Variants in TIMM44 observed in about 807,000 individuals in gnomAD.
TIMM44 encodes mitochondrial import inner membrane translocase subunit TIM44.
TIMM44 carries 37 observed loss-of-function variants against 63.8 expected under a neutral mutation model. The ratio of observed to expected loss-of-function variants is 0.58; its 90% confidence interval spans 0.45 to 0.76. The LOEUF is 0.76. Ranked by LOEUF, TIMM44 falls within the 30% of genes least tolerant of loss-of-function variation. The probability of loss-of-function intolerance (pLI) is 0.00; values close to 1 mark genes in which losing one functional copy is unlikely to be tolerated. For synonymous variants in TIMM44, 239 were observed against 245.1 expected (o/e 0.98, Z 0.23); for missense variants, 573 against 603.8 (o/e 0.95, Z 0.54).
At chr19:7,928,428 G>C (rs1983880597) in intron 10 of TIMM44, 1 of 511,034 alleles carries the variant, frequency 2.0e-6, no homozygotes, top group Admixed American at 3.5e-5. Flanking sequence ...TGATTCTCTT[G>C]GAACAAAATC....
In TIMM44 at chr19:7,934,187, C is replaced by G. The variant is rs368458102; in HGVS notation, c.445G>C (p.Val149Leu). 2 of 1,613,594 alleles carry G rather than the reference C, an allele frequency of 1.2e-6. No homozygotes were observed. Among genetic ancestry groups the G allele is most frequent in the African/African-American group, 1.3e-5 (1 of 75,060 alleles). ...SDLGRKIKEG[V>L]EEAAKTAKQS... Reference sequence around the variant, plus strand: ...TTGGCCGTCTTGGCTGCTTCCTCCACGCCCTCCTTGATTTTCCGGCCGAGA... The same window carrying G: ...TTGGCCGTCTTGGCTGCTTCCTCCAGGCCCTCCTTGATTTTCCGGCCGAGA... Residue 149 changes from valine to leucine, a missense_variant, in exon 5 of 13, where the codon GTG becomes CTG. Val to Leu is a conservative substitution (Grantham distance 32). Coordinates refer to ENST00000270538, the MANE Select transcript of TIMM44 (RefSeq NM_006351.4). The surrounding 1 kb of genome is among the most constrained non-coding windows in gnomAD (Gnocchi z 5.3).
chr19:7,941,846 G>A (rs2145182777), intron 1 of TIMM44, among the ~76,000 whole-genome samples: 1 of 152,328 alleles, frequency 6.6e-6, no homozygotes, highest in Non-Finnish European at 1.5e-5. Context: ...TTCTATGCTA[G>A]TGGCAAGCAG....
chr19:7,942,439 GA>G (rs397785040), intron 1 of TIMM44, among the ~76,000 whole-genome samples: 75 of 143,424 alleles, frequency 5.2e-4, no homozygotes, highest in Middle Eastern at 3.5e-3. Flanking sequence ...AAAATTGGGG[GA>G]AAAAAAAAAA....
rs1984091369 is a variant in TIMM44, at chr19:7,934,618, G to A, written c.394-380C>T. Reference sequence around the variant, plus strand: ...CCTCTGGAGACCCGGGAACTGCCTGGCAGCAAGGATTCCCAAGGAGGGGAC... The same window carrying A: ...CCTCTGGAGACCCGGGAACTGCCTGACAGCAAGGATTCCCAAGGAGGGGAC... On this transcript the variant is annotated intron_variant, in intron 4 of 12. Transcript: ENST00000270538. The surrounding 1 kb of genome is among the most constrained non-coding windows in gnomAD (Gnocchi z 5.3). Among the ~76,000 whole-genome samples, 1 of 152,140 alleles carries A rather than the reference G, an allele frequency of 6.6e-6. No homozygotes were observed. The highest frequency in any genetic ancestry group is 2.1e-4 in the South Asian group (1 of 4,836).
In TIMM44 at chr19:7,943,144, G is replaced by A. The variant is rs1450072767; in HGVS notation, c.45+463C>T. ...CACGTCTTGACTGCCACTGCCCTGT[G>A]GACCCAAGAGCCTGCTAGGGCGCGA... On this transcript the variant is annotated intron_variant, in intron 1 of 12. Transcript: ENST00000270538. This position sits in a 1 kb window ranked among gnomAD's most constrained non-coding sequence, Gnocchi z 4.3. 6.6e-6 allele frequency among the ~76,000 whole-genome samples: 1 copy of A among 152,026 alleles called. No homozygotes were observed. Among genetic ancestry groups the A allele is most frequent in the African/African-American group, 2.4e-5 (1 of 41,410 alleles).
intron 10 of TIMM44, 181 bp from the exon 11 acceptor site, chr19:7,928,347 C>G (rs908656013): frequency 8.3e-6 from 5 of 601,720 alleles, no homozygotes; most frequent in East Asian, 8.3e-5. Flanking sequence ...CCAGATCACA[C>G]GCTTCCCACT....
chr19:7,938,276 G>A (rs536273004), intron 2 of TIMM44, 79 bp from the exon 3 acceptor site: 3 of 1,147,056 alleles, frequency 2.6e-6, no homozygotes, highest in East Asian at 5.1e-5. Flanking sequence ...GGGACTCAGG[G>A]ATTTTTTTAA....
chr19:7,933,017 C>A lies in TIMM44; in HGVS notation c.770-85G>T. The A allele has an allele frequency of 1.8e-6, 2 of 1,117,238 alleles. No individual in the cohort carries two copies. The highest frequency in any genetic ancestry group is 1.5e-5 in the African/African-American group (1 of 64,980). The allele number at this position is 1,117,238 out of a possible 1,614,324, so 69.2% of individuals were successfully genotyped here. On this transcript the variant is annotated intron_variant, in intron 7 of 12. Coordinates refer to ENST00000270538, the MANE Select transcript of TIMM44 (RefSeq NM_006351.4). The surrounding 1 kb of genome is among the most constrained non-coding windows in gnomAD (Gnocchi z 4.3). ...CACAGCTTCTAGAGGCTCCCTGTGA[C>A]CCCTGCGGGATCCACCCTGACACGG...
intron 1 of TIMM44, among the ~76,000 whole-genome samples, chr19:7,942,380 A>G (rs747276331): frequency 5.9e-5 from 9 of 151,970 alleles, no homozygotes; most frequent in Non-Finnish European, 1.2e-4. Context: ...GTTTGAGCTC[A>G]GGAGTTTGAG....
chr19:7,935,163 TGTCC>T lies in TIMM44; in HGVS notation c.313-22_313-19del. 6.6e-7 allele frequency: 1 copy of T among 1,524,888 alleles called. No individual in the cohort carries two copies. Among genetic ancestry groups the T allele is most frequent in the Non-Finnish European group, 8.9e-7 (1 of 1,126,910 alleles). 94.5% of individuals were successfully genotyped at this position (1,524,888 alleles called of 1,614,324 possible). On this transcript the variant is annotated intron_variant, in intron 3 of 12. Coordinates refer to ENST00000270538, the MANE Select transcript of TIMM44 (RefSeq NM_006351.4). ...ATGGTTTTCTAGGTAAAGAGCGCTG[TGTCC>T]TTTTTTTTTTTTTTTTTTTTGAGAC...
intron 11 of TIMM44, 110 bp downstream of exon 11, chr19:7,927,967 T>C: frequency 2.4e-6 from 3 of 1,226,856 alleles, no homozygotes; most frequent in South Asian, 1.3e-5. Context: ...CCAAGACCTC[T>C]TGGATCAGCC....
intron 2 of TIMM44, 103 bp from the exon 3 acceptor site, chr19:7,938,300 G>A (rs546584536): frequency 2.6e-5 from 22 of 849,468 alleles, no homozygotes; most frequent in East Asian, 2.1e-4. Flanking sequence ...TTCTCTTTTC[G>A]GTTGATATAC....
chr19:7,928,444 T>C (rs1983881110), intron 10 of TIMM44: 1 of 486,642 alleles, frequency 2.1e-6, no homozygotes, highest in Non-Finnish European at 3.7e-6. Context: ...AAATCCCAAA[T>C]CTACTCCCAG....
Position 7,938,081 on chromosome 19 carries a change from G to T in TIMM44, c.258C>A (p.Asp86Glu). 6.2e-7 allele frequency: 1 copy of T among 1,614,078 alleles called. No homozygotes were observed. The highest frequency in any genetic ancestry group is 8.5e-7 in the Non-Finnish European group (1 of 1,180,020). The change falls in exon 3 of 13, where the codon GAC becomes GAA. Residue 86 changes from aspartate to glutamate, a missense_variant. Transcript: ENST00000270538. ...CTGATTCTTCTAGCCTTCTGGCCTC[G>T]TCACGGAATTTTTTTATACTTTCTT... ...EMKESIKKFR[D>E]EARRLEESDV...
At chr19:7,931,319 G>A in intron 9 of TIMM44, 131 bp from the exon 10 acceptor site, 1 of 835,252 alleles carries the variant, frequency 1.2e-6, no homozygotes, top group Non-Finnish European at 2.1e-6. Context: ...CACCTGTGGG[G>A]CGCGGGTGGA....
intron 3 of TIMM44, among the ~76,000 whole-genome samples, chr19:7,935,798 TTA>T (rs1984138148): frequency 6.6e-6 from 1 of 152,166 alleles, no homozygotes; most frequent in South Asian, 2.1e-4. Context: ...CAGCTTGGTC[TTA>T]TGTCTCCCGC....
At chr19:7,940,284 C>T (rs1002756255) in intron 2 of TIMM44, among the ~76,000 whole-genome samples, 5 of 151,906 alleles carry the variant, frequency 3.3e-5, no homozygotes, top group African/African-American at 1.2e-4. Flanking sequence ...GCCAGGCCTC[C>T]TGTCAGCAGG....
intron 9 of TIMM44, chr19:7,932,249 A>G: frequency 3.4e-6 from 1 of 294,002 alleles, no homozygotes; most frequent in African/African-American, 2.2e-5. Flanking sequence ...TCTGGGTCAG[A>G]CGTGGCCTGG....
intron 9 of TIMM44, chr19:7,932,386 CAGG>C (rs1388226148): frequency 1.7e-6 from 1 of 576,802 alleles, no homozygotes; most frequent in African/African-American, 1.9e-5. Context: ...CAGCCTCAGG[CAGG>C]AGGAGTGAGG....
Sources: allele counts gnomAD v4.1 joint callset (sites outside exome capture counted in the v4.1 genomes callset), GRCh38; gene constraint gnomAD v4.1.1; non-coding constraint Gnocchi (gnomAD v3.1); transcripts MANE v1.5; gene names NCBI Gene and HGNC (gene_info 2026-07-23, HGNC 2026-07-21).